AKAP6: variants seen among roughly 807,000 people sequenced by gnomAD.
AKAP6 encodes the protein A-kinase anchoring protein 6.
AKAP6 carries 58 observed loss-of-function variants against 188.5 expected under a neutral mutation model. The ratio of observed to expected loss-of-function variants is 0.31; its 90% CI spans 0.25 to 0.38. AKAP6 has a LOEUF of 0.38. Among genes scored for constraint, AKAP6 ranks in the 10% least tolerant of loss-of-function variants. The pLI, the probability that AKAP6 is intolerant of heterozygous loss-of-function variation, is 1.00. For synonymous variants in AKAP6, 989 were observed against 998.6 expected, an observed-to-expected ratio of 0.99 and a Z score of 0.18; for missense variants, 2,710 against 2,740.0, an observed-to-expected ratio of 0.99 and a Z score of 0.24.
intron 2 of AKAP6, among the ~76,000 whole-genome samples, chr14:32,491,779 T>C (rs1880029646): frequency 6.6e-6 from 1 of 152,254 alleles, no homozygotes; most frequent in Non-Finnish European, 1.5e-5. Flanking sequence ...CATATTAGGT[T>C]GTACAAATTT....
chr14:32,517,617 C>T (rs944937629), intron 2 of AKAP6, among the ~76,000 whole-genome samples: 5 of 152,160 alleles, frequency 3.3e-5, no homozygotes, highest in South Asian at 2.1e-4. Context: ...AGTATGAGAG[C>T]GAACTGCAAG....
intron 9 of AKAP6, among the ~76,000 whole-genome samples, chr14:32,720,666 T>C (rs2030483062): frequency 6.6e-6 from 1 of 152,200 alleles, no homozygotes; most frequent in Admixed American, 6.5e-5. Context: ...TCTTATTTTG[T>C]GTTATTAGAA....
At chr14:32,789,071 G>T (rs1349460441) in intron 12 of AKAP6, among the ~76,000 whole-genome samples, 3 of 152,102 alleles carry the variant, frequency 2.0e-5, no homozygotes, top group Non-Finnish European at 4.4e-5. Flanking sequence ...ACAAGGAAGG[G>T]TCCTCCACAA....
chr14:32,657,989 A>C (rs1469251006), intron 7 of AKAP6, among the ~76,000 whole-genome samples: 1 of 152,154 alleles, frequency 6.6e-6, no homozygotes, highest in Non-Finnish European at 1.5e-5. Flanking sequence ...ACAATAAAGA[A>C]CTAGTCTAGC....
At chr14:32,385,547 A>G (rs929314881) in intron 1 of AKAP6, among the ~76,000 whole-genome samples, 1 of 151,382 alleles carries the variant, frequency 6.6e-6, no homozygotes, top group East Asian at 1.9e-4. Context: ...GTAGTCTTTT[A>G]TCCCTCACCC....
chr14:32,574,384 C>T (rs1884631297), intron 4 of AKAP6, among the ~76,000 whole-genome samples: 1 of 152,132 alleles, frequency 6.6e-6, no homozygotes, highest in South Asian at 2.1e-4. Flanking sequence ...CGGAAATGTT[C>T]ACCCAGGACC....
chr14:32,792,363 A>G (rs2033637149), intron 12 of AKAP6, among the ~76,000 whole-genome samples: 1 of 151,840 alleles, frequency 6.6e-6, no homozygotes, highest in Non-Finnish European at 1.5e-5. Context: ...ATTCCTAGGT[A>G]TTTATTTTCT....
intron 9 of AKAP6, among the ~76,000 whole-genome samples, chr14:32,697,828 AG>A (rs1890465252): frequency 6.6e-6 from 1 of 152,144 alleles, no homozygotes; most frequent in Non-Finnish European, 1.5e-5. Context: ...TTTCCTTATA[AG>A]TGCTTTGCCT....
intron 4 of AKAP6, among the ~76,000 whole-genome samples, chr14:32,562,368 A>T (rs1216865063): frequency 1.4e-5 from 2 of 143,456 alleles, no homozygotes; most frequent in Non-Finnish European, 3.1e-5. Flanking sequence ...TTCCTACCTG[A>T]GCCCCAAAAT....
At chr14:32,484,248 CGAAAAGG>C in intron 2 of AKAP6, 1 of 108,890 alleles carries the variant, frequency 9.2e-6, no homozygotes, top group Non-Finnish European at 1.4e-5. Context: ...ACGGATCAGA[CGAAAAGG>C]GGTGTTTGGT....
chr14:32,344,937 AGAG>A (rs1320315397), intron 1 of AKAP6, among the ~76,000 whole-genome samples: 1 of 143,426 alleles, frequency 7.0e-6, no homozygotes, highest in African/African-American at 2.6e-5. Context: ...AAAAAAAAAA[AGAG>A]AGAGAGTATA....
intron 9 of AKAP6, among the ~76,000 whole-genome samples, chr14:32,710,406 C>G (rs1890996737): frequency 6.6e-6 from 1 of 151,942 alleles, no homozygotes; most frequent in African/African-American, 2.4e-5. Context: ...TTCATGCTTG[C>G]TTACATCTGT....
At chr14:32,676,283 G>T (rs187387786) in intron 7 of AKAP6, among the ~76,000 whole-genome samples, 2 of 151,992 alleles carry the variant, frequency 1.3e-5, no homozygotes, top group African/African-American at 2.4e-5. Flanking sequence ...TCTTTTAAAA[G>T]ATTTTTTCTG....
intron 7 of AKAP6, among the ~76,000 whole-genome samples, chr14:32,643,839 C>A (rs1007732110): frequency 1.3e-5 from 2 of 152,166 alleles, no homozygotes; most frequent in Non-Finnish European, 2.9e-5. Flanking sequence ...TGATTCTCTG[C>A]TCAGACTAAG....
In AKAP6 at chr14:32,822,287, G is replaced by A; in HGVS notation, c.4474G>A (p.Ala1492Thr). The part of the protein sequence containing the change: ...MIMKQSQSEK[A>T]HVEDPLLRGF... ...AATGAAACAGTCACAAAGCGAAAAA[G>A]CGCATGTGGAGGATCCCCTGCTTCG... Residue 1492 changes from alanine (A) to threonine (T), a missense_variant, in exon 13 of 14, where the codon GCG becomes ACG. By Grantham distance (58) the Ala-to-Thr change is moderately conservative (BLOSUM62 0). This residue lies in a region of AKAP6 where 2,473 missense variants were observed against 2,426.1 expected (regional missense o/e 1.02). Transcript: ENST00000280979. 6.2e-7 allele frequency: 1 copy of A among 1,613,868 alleles called. No individual in the cohort carries two copies. The highest frequency in any genetic ancestry group is 2.2e-5 in the East Asian group (1 of 44,864).
intron 2 of AKAP6, among the ~76,000 whole-genome samples, chr14:32,496,571 G>C (rs1193936387): frequency 6.6e-6 from 1 of 151,084 alleles, no homozygotes; most frequent in Non-Finnish European, 1.5e-5. Context: ...TCTGAGACTT[G>C]AGATTAAAAA....
intron 2 of AKAP6, among the ~76,000 whole-genome samples, chr14:32,476,607 C>A (rs1291775899): frequency 6.6e-6 from 1 of 152,148 alleles, no homozygotes; most frequent in African/African-American, 2.4e-5. Flanking sequence ...AAGATTAAAA[C>A]CTTCAGACAC....
At chr14:32,479,171 A>G (rs1879216590) in intron 2 of AKAP6, among the ~76,000 whole-genome samples, 1 of 152,196 alleles carries the variant, frequency 6.6e-6, no homozygotes, top group South Asian at 2.1e-4. Flanking sequence ...CCTTGATTAC[A>G]TGACTGATAC....
At chr14:32,648,030 A>G (rs931356564) in intron 7 of AKAP6, among the ~76,000 whole-genome samples, 1 of 152,076 alleles carries the variant, frequency 6.6e-6, no homozygotes, top group Non-Finnish European at 1.5e-5. Context: ...GATCAGTATA[A>G]TTCCCTTAAT....
Sources: gnomAD v4.1 joint callset for allele counts (sites outside exome capture counted in the v4.1 genomes callset) on GRCh38, gnomAD v4.1.1 for gene constraint, gnomAD v4.1.1 regional missense constraint, MANE v1.5 for transcripts, NCBI Gene and HGNC (gene_info 2026-07-23, HGNC 2026-07-21) for gene names.